MROH7: variants seen among roughly 807,000 people sequenced by gnomAD.
MROH7 encodes maestro heat like repeat family member 7.
Under a neutral mutation model 129.2 loss-of-function variants are expected in MROH7, and 113 were observed. The observed-to-expected ratio is 0.87, with a 90% CI of 0.75 to 1.02. The LOEUF (loss-of-function observed/expected upper bound fraction) is 1.02. Among genes scored for constraint, MROH7 ranks in the 50% least tolerant of loss-of-function variants. The pLI is 0.00. For synonymous variants in MROH7, 655 were observed against 667.9 expected (o/e 0.98, Z 0.30); for missense variants, 1,601 against 1,671.3 (o/e 0.96, Z 0.73).
At position 54,707,465 on chromosome 1, in the gene MROH7, A is replaced by G. The variant is rs142463763; in HGVS notation, c.3667+928A>G. Among the ~76,000 whole-genome samples the G allele has an allele frequency of 4.5e-3, 678 of 152,336 alleles. 4 individuals carry two copies. The highest frequency in any genetic ancestry group is 0.016 in the African/African-American group (654 of 41,566). On this transcript the variant is annotated intron_variant, in intron 22 of 23. Transcript: ENST00000421030. ...GTGTGATGCTTAGGCTAGAACAACAAAGAGCCCTTCAGGAGGTGATGCTGA... is the reference window on the plus strand; with the variant it reads ...GTGTGATGCTTAGGCTAGAACAACAGAGAGCCCTTCAGGAGGTGATGCTGA...
Position 54,702,107 on chromosome 1 carries a change from C to T in MROH7, c.3303C>T (p.Arg1101=). ...TTCCCCAGGCACGAGAGGTCGTGCG[C>T]TCCTCCTGCATCAACCTGTATGGGA... ...PHFSDAREVV[R]SSCINLYGKV... Residue 1101 remains arginine, a synonymous_variant, in exon 20 of 24, where the codon CGC becomes CGT. Coordinates refer to ENST00000421030, the MANE Select transcript of MROH7 (RefSeq NM_001039464.4). 6.2e-7 allele frequency: 1 copy of T among 1,603,280 alleles called. No individual in the cohort carries two copies. The highest frequency in any genetic ancestry group is 8.5e-7 in the Non-Finnish European group (1 of 1,174,130).
intron 18 of MROH7, among the ~76,000 whole-genome samples, 164 bp downstream of exon 18, chr1:54,700,625 T>G (rs1162028317): frequency 6.6e-6 from 1 of 152,260 alleles, no homozygotes; most frequent in Admixed American, 6.5e-5. Flanking sequence ...TTTAAAAATC[T>G]ATATATTTTA....
At chr1:54,648,169 C>T (rs190601144) in intron 1 of MROH7, among the ~76,000 whole-genome samples, 349 of 151,814 alleles carry the variant, frequency 2.3e-3, no homozygotes, top group Middle Eastern at 0.01. Flanking sequence ...TAGACGTGAG[C>T]CGCCATGCCC....
intron 14 of MROH7, among the ~76,000 whole-genome samples, chr1:54,685,114 T>C (rs876193): frequency 0.17 from 25,237 of 151,956 alleles, 2,302 homozygotes; most frequent in East Asian, 0.29. Context: ...CCTCCCGGGT[T>C]GCAGTGATTC....
At chr1:54,682,899 C>T in intron 14 of MROH7, 105 bp downstream of exon 14, 1 of 1,294,672 alleles carries the variant, frequency 7.7e-7, no homozygotes, top group Non-Finnish European at 1.1e-6. Context: ...CGCACTCTGC[C>T]AGTAACTAGT....
Position 54,710,071 on chromosome 1 carries a change from T to C in MROH7, c.3856T>C (p.Tyr1286His). The C allele has an allele frequency of 1.2e-6, 2 of 1,614,110 alleles. No homozygotes were observed. The highest frequency in any genetic ancestry group is 8.5e-7 in the Non-Finnish European group (1 of 1,180,006). Residue 1286 changes from tyrosine (Y) to histidine (H), a missense_variant, in exon 24 of 24, where the codon TAC becomes CAC. Transcript: ENST00000421030. ...GCCGCACGGGAACTCATGGGTGTGT[T>C]ACTCAGCCACCACCCACCGCTGGAG... The part of the protein sequence containing the change: ...WLPHGNSWVC[Y>H]SATTHRWSPS...
At chr1:54,680,119 C>T (rs910247412) in intron 13 of MROH7, 74 bp downstream of exon 13, 8 of 1,455,392 alleles carry the variant, frequency 5.5e-6, no homozygotes, top group Non-Finnish European at 7.6e-6. Context: ...TTGGGGACCC[C>T]CTTCTGCCCA....
intron 12 of MROH7, 70 bp downstream of exon 12, chr1:54,679,509 C>T: frequency 6.6e-7 from 1 of 1,508,032 alleles, no homozygotes; most frequent in Non-Finnish European, 9.0e-7. Flanking sequence ...GCCTGCTCAT[C>T]ACTGGCCGGC....
In MROH7 at chr1:54,692,566, G is replaced by A; in HGVS notation, c.2849+5G>A. 1 of 1,612,116 alleles carries A rather than the reference G, an allele frequency of 6.2e-7. No homozygotes were observed. Among genetic ancestry groups the A allele is most frequent in the Non-Finnish European group, 8.5e-7 (1 of 1,179,616 alleles). On this transcript the variant is annotated splice_donor_5th_base_variant and intron_variant, in intron 16 of 23. Coordinates refer to ENST00000421030, the MANE Select transcript of MROH7 (RefSeq NM_001039464.4). ...CGGAGTGGCCTTGCTGGCAAGGTGA[G>A]TCCCGGGACCACCTTGGGGTTGGGG...
chr1:54,669,072 A>G, intron 5 of MROH7, 135 bp downstream of exon 5: 1 of 646,048 alleles, frequency 1.5e-6, no homozygotes, highest in South Asian at 1.9e-5. Context: ...GACATCGGGA[A>G]TTGAGTCTCA....
At chr1:54,642,936 C>A (rs1644410556) in intron 1 of MROH7, among the ~76,000 whole-genome samples, 2 of 152,212 alleles carry the variant, frequency 1.3e-5, no homozygotes, top group Admixed American at 1.3e-4. Context: ...GATTCCTGCA[C>A]AGTCTGAACT....
chr1:54,672,360 G>T (rs1037932340), intron 7 of MROH7, among the ~76,000 whole-genome samples: 1 of 151,978 alleles, frequency 6.6e-6, no homozygotes, highest in South Asian at 2.1e-4. Flanking sequence ...AACAACCTAG[G>T]AGGCACACTT....
chr1:54,681,752 C>T (rs561871460), intron 13 of MROH7, among the ~76,000 whole-genome samples: 1 of 152,276 alleles, frequency 6.6e-6, no homozygotes, highest in African/African-American at 2.4e-5. Flanking sequence ...GGAACAGAGG[C>T]TCCCTGATAT....
chr1:54,655,030 T>G (rs1296727013), intron 3 of MROH7, among the ~76,000 whole-genome samples: 1 of 151,856 alleles, frequency 6.6e-6, no homozygotes, highest in Non-Finnish European at 1.5e-5. Flanking sequence ...TTTTTTTTTT[T>G]TTGAGTGGGA....
intron 10 of MROH7, among the ~76,000 whole-genome samples, 166 bp downstream of exon 10, chr1:54,674,317 C>A (rs1644949793): frequency 6.6e-6 from 1 of 152,116 alleles, no homozygotes; most frequent in African/African-American, 2.4e-5. Context: ...AGCCCAAGAC[C>A]CCAGAGAACC....
chr1:54,705,154 C>T (rs562320530), intron 21 of MROH7, among the ~76,000 whole-genome samples: 5 of 152,256 alleles, frequency 3.3e-5, no homozygotes, highest in African/African-American at 1.2e-4. Flanking sequence ...TACTGAGGCC[C>T]GTGGCTGCCA....
At chr1:54,645,639 T>TTTTC (rs1273760594) in intron 1 of MROH7, among the ~76,000 whole-genome samples, 8 of 138,228 alleles carry the variant, frequency 5.8e-5, no homozygotes, top group African/African-American at 8.2e-5. Flanking sequence ...ATTTCTTTTC[T>TTTTC]TTTCTTTCTT....
At chr1:54,660,756 G>A (rs7542193) in intron 3 of MROH7, among the ~76,000 whole-genome samples, 21 of 152,016 alleles carry the variant, frequency 1.4e-4, no homozygotes, top group Non-Finnish European at 2.9e-4. Context: ...TGGAGGTTGC[G>A]GTGAGCTGAG....
intron 18 of MROH7, 112 bp from the exon 19 acceptor site, chr1:54,701,031 C>A: frequency 1.7e-6 from 2 of 1,187,450 alleles, no homozygotes; most frequent in Non-Finnish European, 1.2e-6. Flanking sequence ...TAGGCCAAGG[C>A]CTGGAAGTGG....
Sources: allele counts gnomAD v4.1 joint callset (sites outside exome capture counted in the v4.1 genomes callset), GRCh38; gene constraint gnomAD v4.1.1; transcripts MANE v1.5; gene names NCBI Gene and HGNC (gene_info 2026-07-23, HGNC 2026-07-21).